The following NCKAP5 variants were observed in gnomAD, a reference collection of about 807,000 sequenced individuals.
The protein encoded by NCKAP5 is NCK associated protein 5, also known as nck-associated protein 5.
Under a neutral mutation model 167.0 loss-of-function variants are expected in NCKAP5, and 92 were observed. The ratio of observed to expected loss-of-function variants is 0.55; its 90% CI spans 0.47 to 0.66. NCKAP5 has a LOEUF of 0.66. Among genes scored for constraint, NCKAP5 ranks in the 30% least tolerant of loss-of-function variants. NCKAP5 has a pLI of 0.00. For synonymous variants in NCKAP5, 891 were observed against 877.4 expected, an observed-to-expected ratio of 1.02 and a Z score of -0.27; for missense variants, 2,378 against 2,315.0, an observed-to-expected ratio of 1.03 and a Z score of -0.56.
At chr2:133,189,486 G>A (rs2085109697) in intron 5 of NCKAP5, among the ~76,000 whole-genome samples, 1 of 152,084 alleles carries the variant, frequency 6.6e-6, no homozygotes, top group Non-Finnish European at 1.5e-5. Context: ...AACAAAAAAA[G>A]AGAATTTTAG....
intron 19 of NCKAP5, among the ~76,000 whole-genome samples, chr2:132,721,223 G>A (rs778856995): frequency 1.3e-5 from 2 of 152,056 alleles, no homozygotes; most frequent in African/African-American, 2.4e-5. Flanking sequence ...CAGGAGAATC[G>A]CTTCAACCCA....
At chr2:133,057,599 A>T (rs946358407) in intron 6 of NCKAP5, among the ~76,000 whole-genome samples, 1 of 152,224 alleles carries the variant, frequency 6.6e-6, no homozygotes, top group African/African-American at 2.4e-5. Flanking sequence ...ACTCTCTTCA[A>T]TTCTATGAAG....
intron 5 of NCKAP5, among the ~76,000 whole-genome samples, chr2:133,142,395 G>T (rs1337385700): frequency 2.0e-5 from 3 of 152,170 alleles, no homozygotes; most frequent in Non-Finnish European, 2.9e-5. Context: ...CTGGCCCGTT[G>T]TTGGGTATAG....
chr2:132,698,921 G>A (rs909733913), intron 19 of NCKAP5, among the ~76,000 whole-genome samples: 4 of 152,112 alleles, frequency 2.6e-5, no homozygotes, highest in African/African-American at 4.8e-5. Context: ...CTGGGTTAAG[G>A]CCCAGCAATG....
intron 6 of NCKAP5, among the ~76,000 whole-genome samples, chr2:133,058,691 T>C (rs1039772432): frequency 3.3e-5 from 5 of 152,192 alleles, no homozygotes; most frequent in African/African-American, 1.2e-4. Context: ...GAAGATACTA[T>C]GTAGATTGTT....
At chr2:133,228,632 T>C (rs780046391) in intron 4 of NCKAP5, among the ~76,000 whole-genome samples, 4 of 152,206 alleles carry the variant, frequency 2.6e-5, no homozygotes, top group East Asian at 1.9e-4. Flanking sequence ...AAACACTGTG[T>C]ACATGTTCAC....
At chr2:132,755,775 G>A (rs952890641) in intron 16 of NCKAP5, among the ~76,000 whole-genome samples, 118 of 151,140 alleles carry the variant, frequency 7.8e-4, no homozygotes, top group African/African-American at 2.8e-3. Context: ...GGTGTGCAGT[G>A]AGCCGAGATC....
At chr2:132,961,974 A>G (rs1041761130) in intron 8 of NCKAP5, among the ~76,000 whole-genome samples, 4 of 152,216 alleles carry the variant, frequency 2.6e-5, no homozygotes, top group African/African-American at 9.6e-5. Flanking sequence ...TTTTATAGTG[A>G]CTATCTTTAA....
At chr2:133,476,131 T>A (rs914179684) in intron 3 of NCKAP5, among the ~76,000 whole-genome samples, 1 of 152,232 alleles carries the variant, frequency 6.6e-6, no homozygotes, top group Non-Finnish European at 1.5e-5. Context: ...AATAGAAAGT[T>A]AAAAGTTTTC....
chr2:133,658,621 C>T, the NCKAP5 span, among the ~76,000 whole-genome samples: 2 of 152,144 alleles, frequency 1.3e-5, no homozygotes, highest in Admixed American at 6.5e-5. Context: ...GTTTCCGTAT[C>T]GGGACCTACG....
intron 6 of NCKAP5, among the ~76,000 whole-genome samples, chr2:133,034,873 C>G (rs994062717): frequency 6.6e-6 from 1 of 151,754 alleles, no homozygotes; most frequent in African/African-American, 2.4e-5. Context: ...CATAAAACAA[C>G]CAGATAACAA....
At chr2:133,622,286 G>A in the NCKAP5 span, among the ~76,000 whole-genome samples, 26,683 of 151,884 alleles carry the variant, frequency 0.18, 3,921 homozygotes, top group African/African-American at 0.4. Flanking sequence ...CCTAGCCAGA[G>A]CAATCAGACA....
intron 3 of NCKAP5, among the ~76,000 whole-genome samples, chr2:133,485,695 A>G (rs560795965): frequency 2.8e-4 from 43 of 152,288 alleles, no homozygotes; most frequent in Admixed American, 2.8e-3. Context: ...TTACAAAGGA[A>G]CCCAATATTA....
intron 11 of NCKAP5, among the ~76,000 whole-genome samples, chr2:132,821,368 C>T (rs748796081): frequency 2.6e-5 from 4 of 152,128 alleles, no homozygotes; most frequent in African/African-American, 7.2e-5. Context: ...GTGAGAAGTG[C>T]CTTGAACGCA....
At chr2:132,978,685 G>A (rs558585746) in intron 7 of NCKAP5, among the ~76,000 whole-genome samples, 3 of 152,146 alleles carry the variant, frequency 2.0e-5, no homozygotes, top group African/African-American at 7.2e-5. Flanking sequence ...GCCACATGGT[G>A]CACATCAACA....
the NCKAP5 span, among the ~76,000 whole-genome samples, chr2:133,573,711 G>C: frequency 6.6e-6 from 1 of 152,196 alleles, no homozygotes; most frequent in Non-Finnish European, 1.5e-5. Context: ...TACATACTGT[G>C]AGATTGACAT....
intron 3 of NCKAP5, among the ~76,000 whole-genome samples, chr2:133,498,509 A>AGGCC: frequency 1.4e-5 from 2 of 139,406 alleles, no homozygotes; most frequent in Non-Finnish European, 3.1e-5. Context: ...GCAGGCAGGC[A>AGGCC]GGCAGCCAAG....
chr2:132,926,960 A>G lies in NCKAP5; in HGVS notation c.579+36760T>C, dbSNP rs558932373. Among the ~76,000 whole-genome samples, 9 of 152,264 alleles carry G rather than the reference A, an allele frequency of 5.9e-5. No homozygotes were observed. In the South Asian group the frequency reaches 1.7e-3, roughly 28 times the overall value. On this transcript the variant is annotated intron_variant, in intron 8 of 19. Transcript: ENST00000409261. ...AATTATTTGAGTAGACCAATGTTCA[A>G]AAGAGGTTTCCCTAGGTTTTATTCT...
At chr2:133,605,312 T>C in the NCKAP5 span, among the ~76,000 whole-genome samples, 1 of 152,180 alleles carries the variant, frequency 6.6e-6, no homozygotes, top group Non-Finnish European at 1.5e-5. Context: ...GTGAAAATCC[T>C]TGATCCTTGC....
Sources: gnomAD v4.1 joint callset for allele counts (sites outside exome capture counted in the v4.1 genomes callset) on GRCh38, gnomAD v4.1.1 for gene constraint, MANE v1.5 for transcripts, NCBI Gene and HGNC (gene_info 2026-07-23, HGNC 2026-07-21) for gene names.